The following DAZL variants were observed in gnomAD, a reference collection of about 807,000 sequenced individuals.
DAZL encodes the protein deleted in azoospermia like.
DAZL carries 4 observed loss-of-function variants against 45.0 expected under a neutral mutation model. The ratio of observed to expected loss-of-function variants is 0.09; its 90% CI spans 0.04 to 0.20. The LOEUF is 0.20. Among genes scored for constraint, DAZL ranks in the 10% least tolerant of loss-of-function variants. DAZL has a pLI of 1.00. For missense variants in DAZL, 326 were observed against 351.3 expected, an observed-to-expected ratio of 0.93 and a Z score of 0.58; for synonymous variants, 122 against 112.4, an observed-to-expected ratio of 1.09 and a Z score of -0.54.
rs116608545 is a variant in DAZL, at chr3:16,601,368, T to C, written c.4-2770A>G. ...ACTGGAATCGTAAATATAAAATTCA[T>C]AGGATCACTTTAATAGCGTAATAAC... is the stretch of plus-strand genomic sequence containing the variant. On this transcript the variant is annotated intron_variant, in intron 1 of 10. Coordinates refer to ENST00000399444, the MANE Select transcript of DAZL (RefSeq NM_001351.4). 9.3e-3 allele frequency among the ~76,000 whole-genome samples: 1,417 copies of C among 152,296 alleles called. 15 individuals carry two copies. The highest frequency in any genetic ancestry group is 0.014 in the Middle Eastern group (4 of 294).
chr3:16,602,047 T>A (rs983265774), intron 1 of DAZL, among the ~76,000 whole-genome samples: 4 of 151,924 alleles, frequency 2.6e-5, no homozygotes, highest in African/African-American at 9.7e-5. Flanking sequence ...AAGAGAATGC[T>A]AAAATTAAGA....
In DAZL at chr3:16,605,269, A is replaced by G. The variant is rs1002625807; in HGVS notation, c.-64T>C. ...GAGCAGAGGCTGTGCTTGGCGCACC[A>G]CTTCTGGGGCTGCTGTGAGGTCCGC... is the stretch of plus-strand genomic sequence containing the variant. On this transcript the variant is annotated 5_prime_UTR_variant, in exon 1 of 11. Coordinates refer to ENST00000399444, the MANE Select transcript of DAZL (RefSeq NM_001351.4). The G allele has an allele frequency of 2.4e-5, 38 of 1,606,598 alleles. No individual in the cohort carries two copies. In the African/African-American group the frequency reaches 4.4e-4, roughly 19 times the overall value.
chr3:16,593,676 G>A lies in DAZL; in HGVS notation c.714C>T (p.Pro238=), dbSNP rs748410731. The A allele has an allele frequency of 8.1e-6, 13 of 1,610,324 alleles. No individual in the cohort carries two copies. The highest frequency in any genetic ancestry group is 2.2e-5 in the East Asian group (1 of 44,770). ...TTGCCTTTTGTGGGCCATTTCCAGA[G>A]GGTGGAGTAGCTTCATGAACTGAAC... ...NECSVHEATP[P]SGNGPQKKSV... Residue 238 remains proline, a synonymous_variant, in exon 9 of 11, where the codon CCC becomes CCT. Transcript: ENST00000399444.
intron 1 of DAZL, among the ~76,000 whole-genome samples, chr3:16,599,074 C>T (rs1253009387): frequency 3.9e-5 from 6 of 152,228 alleles, no homozygotes; most frequent in East Asian, 1.9e-4. Flanking sequence ...TGAGCTACCA[C>T]GCGCAGCCAG....
At chr3:16,590,975 G>A (rs74282867) in intron 10 of DAZL, among the ~76,000 whole-genome samples, 21,323 of 152,116 alleles carry the variant, frequency 0.14, 1,941 homozygotes, top group East Asian at 0.46. Context: ...TGAAAAACCA[G>A]TGAAATGCAA....
intron 6 of DAZL, 109 bp downstream of exon 6, chr3:16,596,641 T>G: frequency 8.4e-7 from 1 of 1,197,502 alleles, no homozygotes; most frequent in Non-Finnish European, 1.2e-6. Context: ...TCACTCAAAG[T>G]ATTCAAACAG....
At chr3:16,590,753 C>T (rs1369879796) in intron 10 of DAZL, among the ~76,000 whole-genome samples, 1 of 152,048 alleles carries the variant, frequency 6.6e-6, no homozygotes, top group East Asian at 1.9e-4. Context: ...CTGAAAAAAC[C>T]GGTCACAAAA....
At chr3:16,595,566 C>T (rs1231235643) in intron 6 of DAZL, among the ~76,000 whole-genome samples, 181 bp from the exon 7 acceptor site, 1 of 151,646 alleles carries the variant, frequency 6.6e-6, no homozygotes, top group Non-Finnish European at 1.5e-5. Context: ...CAAGTGTTAC[C>T]CTTTGGGTGG....
Position 16,605,347 on chromosome 3 carries a change from A to G in DAZL, c.-142T>C, listed in dbSNP as rs1694763245. ...TCAAAGGAGCCAAAGATGAAGAGAA[A>G]AGGAAAACCAAGAGCGGGTGACAAG... On this transcript the variant is annotated 5_prime_UTR_variant, in exon 1 of 11. Coordinates refer to ENST00000399444, the MANE Select transcript of DAZL (RefSeq NM_001351.4). 7.9e-6 allele frequency: 8 copies of G among 1,016,164 alleles called. No individual in the cohort carries two copies. The Admixed American group carries it at 1.4e-4, about 18-fold the overall frequency. 62.9% of individuals were successfully genotyped at this position (1,016,164 alleles called of 1,614,324 possible). A position where few individuals can be genotyped will look rare whatever the true frequency, so the allele number is the denominator to read the frequency against.
intron 10 of DAZL, among the ~76,000 whole-genome samples, chr3:16,590,899 T>G (rs1338636974): frequency 2.0e-5 from 3 of 150,586 alleles, no homozygotes; most frequent in Non-Finnish European, 4.4e-5. Context: ...GGTAGGGGGG[T>G]GATTTTTGGG....
chr3:16,599,734 G>A (rs1559404289), intron 1 of DAZL, among the ~76,000 whole-genome samples: 1 of 152,132 alleles, frequency 6.6e-6, no homozygotes, highest in Non-Finnish European at 1.5e-5. Flanking sequence ...TAAGGCTAAT[G>A]TAAAATTTTC....
chr3:16,601,678 A>G (rs1366093549), intron 1 of DAZL, among the ~76,000 whole-genome samples: 1 of 152,242 alleles, frequency 6.6e-6, no homozygotes. Context: ...TCCTGAAAAC[A>G]AACTGCATTA....
At chr3:16,605,024 C>G (rs1694756556) in intron 1 of DAZL, among the ~76,000 whole-genome samples, 179 bp downstream of exon 1, 1 of 152,238 alleles carries the variant, frequency 6.6e-6, no homozygotes, top group African/African-American at 2.4e-5. Context: ...CTGTGTAGGC[C>G]GCGCCACTGC....
chr3:16,591,412 T>C (rs1192044617), intron 10 of DAZL, among the ~76,000 whole-genome samples: 2 of 151,576 alleles, frequency 1.3e-5, no homozygotes, highest in South Asian at 4.2e-4. Flanking sequence ...TCTTTTCTTC[T>C]CTATAGTCCA....
At chr3:16,604,656 G>A (rs1308945879) in intron 1 of DAZL, 13 of 1,364,434 alleles carry the variant, frequency 9.5e-6, no homozygotes, top group South Asian at 2.0e-5. Flanking sequence ...GGACCAGGAG[G>A]GAACCACTTC....
chr3:16,596,057 T>C (rs1465182073), intron 6 of DAZL, among the ~76,000 whole-genome samples: 1 of 151,996 alleles, frequency 6.6e-6, no homozygotes, highest in Non-Finnish European at 1.5e-5. Context: ...AGGTACACCC[T>C]ACACATTTCA....
Position 16,601,910 on chromosome 3 carries a change from CAGT to C in DAZL, c.3+3290_3+3292del, listed in dbSNP as rs1207375438. Among the ~76,000 whole-genome samples, 8 of 152,274 alleles carry C rather than the reference CAGT, an allele frequency of 5.3e-5. No individual in the cohort carries two copies. The South Asian group carries it at 6.2e-4, about 12-fold the overall frequency. On this transcript the variant is annotated intron_variant, in intron 1 of 10. Transcript: ENST00000399444. ...ACTCCTGGGATGTCAGCTTCTTTCA[CAGT>C]ATTATCTAATTCAATTACTATGTGA...
At chr3:16,604,535 G>C in intron 1 of DAZL, 3 of 1,469,940 alleles carry the variant, frequency 2.0e-6, no homozygotes, top group Non-Finnish European at 2.7e-6. Context: ...AGGCGCGAGG[G>C]GACCAGAGGC....
rs555786228 is a variant in DAZL, at chr3:16,587,042, G to C, written c.*1618C>G. On this transcript the variant is annotated 3_prime_UTR_variant, in exon 11 of 11. Transcript: ENST00000399444. The stretch of plus-strand genomic sequence containing the variant: ...TATAGATATCATTTATAGTAAGCTG[G>C]AGATTTAATCACAGAATGATATGTG... 1 of 151,982 alleles carries C rather than the reference G, an allele frequency of 6.6e-6. No homozygotes were observed. The highest frequency in any genetic ancestry group is 1.5e-5 in the Non-Finnish European group (1 of 67,992). The allele number at this position is 151,982 out of a possible 1,614,324, so 9.4% of individuals were successfully genotyped here. A position where few individuals can be genotyped will look rare whatever the true frequency, so the allele number is the denominator to read the frequency against.
Sources: gnomAD v4.1 joint callset for allele counts (sites outside exome capture counted in the v4.1 genomes callset) on GRCh38, gnomAD v4.1.1 for gene constraint, MANE v1.5 for transcripts, NCBI Gene and HGNC (gene_info 2026-07-23, HGNC 2026-07-21) for gene names.